ABHD18: variants seen among roughly 807,000 people sequenced by gnomAD.
ABHD18 encodes abhydrolase domain containing 18.
A neutral mutation model predicts 65.9 loss-of-function variants in ABHD18; 55 were observed. The observed-to-expected ratio is 0.84, with a 90% CI of 0.67 to 1.05. The LOEUF (loss-of-function observed/expected upper bound fraction) is 1.05. Among genes scored for constraint, ABHD18 ranks in the 50% least tolerant of loss-of-function variants. ABHD18 has a pLI of 0.00. For missense variants in ABHD18, 533 were observed against 558.5 expected, an observed-to-expected ratio of 0.95 and a Z score of 0.46; for synonymous variants, 181 against 180.2, an observed-to-expected ratio of 1.00 and a Z score of -0.04.
Position 128,038,769 on chromosome 4 carries a change from G to T in ABHD18, c.*2956G>T, listed in dbSNP as rs1362411098. 1 of 152,024 alleles carries T rather than the reference G, an allele frequency of 6.6e-6. No homozygotes were observed. The highest frequency in any genetic ancestry group is 1.5e-5 in the Non-Finnish European group (1 of 68,040). 9.4% of individuals were successfully genotyped at this position (152,024 alleles called of 1,614,324 possible). A position where few individuals can be genotyped will look rare whatever the true frequency, so the allele number is the denominator to read the frequency against. On this transcript the variant is annotated 3_prime_UTR_variant, in exon 13 of 13. Transcript: ENST00000645843. Reference sequence around the variant, plus strand: ...TTAAAAAAAATACAAAATTAGCCAGGCGTGGTGGCACATGCCTGTAATCCC... The same window carrying T: ...TTAAAAAAAATACAAAATTAGCCAGTCGTGGTGGCACATGCCTGTAATCCC...
At chr4:127,988,856 G>A (rs146944334) in intron 3 of ABHD18, among the ~76,000 whole-genome samples, 2 of 152,274 alleles carry the variant, frequency 1.3e-5, no homozygotes, top group East Asian at 3.9e-4. Context: ...CCACTGCGGA[G>A]AACAGTATGG....
At chr4:128,002,674 C>G (rs766140871) in intron 4 of ABHD18, among the ~76,000 whole-genome samples, 1 of 152,042 alleles carries the variant, frequency 6.6e-6, no homozygotes, top group Non-Finnish European at 1.5e-5. Context: ...GACAGAGTCT[C>G]GCTCTGTCAC....
At chr4:128,032,976 G>A (rs184633278) in intron 12 of ABHD18, among the ~76,000 whole-genome samples, 4 of 151,894 alleles carry the variant, frequency 2.6e-5, no homozygotes, top group African/African-American at 7.3e-5. Context: ...TGGGTGGGCC[G>A]GGCGTGGTGG....
In ABHD18 at chr4:127,975,560, C is replaced by T. The variant is rs1019292107; in HGVS notation, c.-17-7379C>T. ...TTTGTATGTACATACTTTGCTTATC[C>T]ATTCATCTGCCAATGGACACTAAAA... On this transcript the variant is annotated intron_variant, in intron 1 of 12. Transcript: ENST00000645843. Among the ~76,000 whole-genome samples the T allele has an allele frequency of 3.3e-5, 5 of 152,130 alleles. No homozygotes were observed. The South Asian group carries it at 1.0e-3, about 32-fold the overall frequency.
chr4:127,969,578 A>C (rs1286921359), intron 1 of ABHD18, among the ~76,000 whole-genome samples: 7 of 152,276 alleles, frequency 4.6e-5, no homozygotes, highest in African/African-American at 1.7e-4. Flanking sequence ...ATATTTGAAA[A>C]GTTCATTGTT....
intron 4 of ABHD18, among the ~76,000 whole-genome samples, chr4:128,006,567 C>T (rs2149126052): frequency 6.6e-6 from 1 of 152,242 alleles, no homozygotes; most frequent in East Asian, 1.9e-4. Flanking sequence ...GTTTTCAGCT[C>T]AGAATTGAGG....
At position 128,035,893 on chromosome 4, in the gene ABHD18, A is replaced by G. The variant is rs1758842608; in HGVS notation, c.*80A>G. The G allele has an allele frequency of 2.5e-6, 2 of 813,652 alleles. No individual in the cohort carries two copies. The highest frequency in any genetic ancestry group is 1.9e-5 in the South Asian group (1 of 51,854). The allele number at this position is 813,652 out of a possible 1,614,324, so 50.4% of individuals were successfully genotyped here. A position where few individuals can be genotyped will look rare whatever the true frequency, so the allele number is the denominator to read the frequency against. On this transcript the variant is annotated 3_prime_UTR_variant, in exon 13 of 13. Transcript: ENST00000645843. The stretch of plus-strand genomic sequence containing the variant: ...TCATCCTGTGATCATGTGAAGGACA[A>G]GCAGACAGCACTAATATATCTAATC...
intron 10 of ABHD18, among the ~76,000 whole-genome samples, chr4:128,026,281 T>C (rs997321040): frequency 6.6e-6 from 1 of 150,568 alleles, no homozygotes; most frequent in Non-Finnish European, 1.5e-5. Flanking sequence ...AGAGCGAGAC[T>C]TCTTCTGAAC....
intron 4 of ABHD18, among the ~76,000 whole-genome samples, chr4:128,003,903 C>T (rs1753119817): frequency 6.8e-6 from 1 of 147,542 alleles, no homozygotes; most frequent in Non-Finnish European, 1.5e-5. Flanking sequence ...AAGATCATGC[C>T]ACTGCACTTC....
intron 4 of ABHD18, 145 bp from the exon 5 acceptor site, chr4:128,008,770 CTTAAT>C: frequency 1.7e-6 from 1 of 572,170 alleles, no homozygotes; most frequent in Non-Finnish European, 3.0e-6. Flanking sequence ...GTTTGGACAA[CTTAAT>C]TTAGTTAATT....
chr4:127,969,469 G>A (rs970910527), intron 1 of ABHD18, among the ~76,000 whole-genome samples: 5 of 152,270 alleles, frequency 3.3e-5, no homozygotes, highest in East Asian at 1.9e-4. Context: ...AAAGGGCTGC[G>A]ATTACAGGCA....
At chr4:128,035,589 T>C (rs1758802648) in intron 12 of ABHD18, among the ~76,000 whole-genome samples, 173 bp from the exon 13 acceptor site, 1 of 151,948 alleles carries the variant, frequency 6.6e-6, no homozygotes, top group Non-Finnish European at 1.5e-5. Flanking sequence ...AAAAAAAAGT[T>C]ACATGGATTC....
At position 127,984,419 on chromosome 4, in the gene ABHD18, A is replaced by T. The variant is rs971145762; in HGVS notation, c.173A>T (p.Asp58Val). 1.3e-6 allele frequency: 2 copies of T among 1,522,330 alleles called. No individual in the cohort carries two copies. The highest frequency in any genetic ancestry group is 1.8e-6 in the Non-Finnish European group (2 of 1,124,118). The allele number at this position is 1,522,330 out of a possible 1,614,324, so 94.3% of individuals were successfully genotyped here. Residue 58 changes from aspartate to valine, a missense_variant, in exon 3 of 13, where the codon GAT becomes GTT. Physicochemically the swap from Asp to Val is radical, Grantham distance 152 (BLOSUM62 -3). This residue lies in a region of ABHD18 where 309 missense variants were observed against 313.5 expected (regional missense o/e 0.99). Coordinates refer to ENST00000645843, the MANE Select transcript of ABHD18 (RefSeq NM_001358451.3). ...TCAAGCGATTATCCAGTACACATTG[A>T]TAAGGTATTCAAATGAGAGAAACAC... ...LVSSDYPVHI[D>V]KIEEQSDCKI...
chr4:128,021,352 AT>A, intron 10 of ABHD18, 114 bp downstream of exon 10: 3 of 634,888 alleles, frequency 4.7e-6, no homozygotes, highest in South Asian at 2.4e-5. Context: ...TGTACATACT[AT>A]TTTTTACTTT....
At chr4:127,971,653 G>T (rs1270141800) in intron 1 of ABHD18, among the ~76,000 whole-genome samples, 2 of 151,804 alleles carry the variant, frequency 1.3e-5, no homozygotes, top group African/African-American at 2.4e-5. Context: ...ACCACGCCCG[G>T]CTAGTTTTTT....
At chr4:128,032,785 G>A (rs1758391319) in intron 12 of ABHD18, among the ~76,000 whole-genome samples, 2 of 152,076 alleles carry the variant, frequency 1.3e-5, no homozygotes, top group Admixed American at 6.5e-5. Context: ...AATATTTTGT[G>A]TTATTTAGAG....
chr4:127,970,589 C>CAAAAAAAAAAAAA, intron 1 of ABHD18, among the ~76,000 whole-genome samples: 1 of 54,650 alleles, frequency 1.8e-5, no homozygotes, highest in Non-Finnish European at 3.8e-5. Context: ...AACTCTGTCT[C>CAAAAAAAAAAAAA]AAAAAAAAAA....
rs188809510 is a variant in ABHD18, at chr4:128,009,047, T to C, written c.357+49T>C. 1.5e-4 allele frequency: 242 copies of C among 1,583,960 alleles called. 1 individual carries two copies. The African/African-American group carries it at 2.7e-3, about 18-fold the overall frequency. On this transcript the variant is annotated intron_variant, in intron 5 of 12. Transcript: ENST00000645843. ...AATCTCTAGATAATTTGTTAACATA[T>C]TCTCCTTAACAGAAGTGGCTACTAT...
intron 1 of ABHD18, among the ~76,000 whole-genome samples, chr4:127,970,606 AAAAAG>A (rs1298745825): frequency 0.021 from 3,079 of 149,566 alleles, 69 homozygotes; most frequent in African/African-American, 0.074. Context: ...AAAAAAAAAA[AAAAAG>A]AAAGAAAATA....
Sources: allele counts gnomAD v4.1 joint callset (sites outside exome capture counted in the v4.1 genomes callset), GRCh38; gene constraint gnomAD v4.1.1; regional missense constraint gnomAD v4.1.1; transcripts MANE v1.5; gene names NCBI Gene and HGNC (gene_info 2026-07-23, HGNC 2026-07-21).